FLYWCH2: variants seen among roughly 807,000 people sequenced by gnomAD.
FLYWCH2 encodes the protein FLYWCH family member 2.
FLYWCH2 carries 2 observed loss-of-function variants against 6.0 expected under a neutral mutation model. The ratio of observed to expected loss-of-function variants is 0.33; its 90% confidence interval spans 0.14 to 1.04. The LOEUF (loss-of-function observed/expected upper bound fraction) is 1.04, where lower values mean the gene tolerates loss of function less well. Ranked by LOEUF, FLYWCH2 falls within the 50% of genes least tolerant of loss-of-function variation. The probability of loss-of-function intolerance (pLI) is 0.45; values close to 1 mark genes in which losing one functional copy is unlikely to be tolerated. For synonymous variants in FLYWCH2, 87 were observed against 79.3 expected, an observed-to-expected ratio of 1.10 and a Z score of -0.52; for missense variants, 192 against 183.4, an observed-to-expected ratio of 1.05 and a Z score of -0.27.
At position 2,896,852 on chromosome 16, in the gene FLYWCH2, C is replaced by T. The variant is rs533791369; in HGVS notation, c.322+81C>T. On this transcript the variant is annotated intron_variant, in intron 3 of 3. Coordinates refer to ENST00000396958, the MANE Select transcript of FLYWCH2 (RefSeq NM_138439.3). ...ACAGCCGCGCTGGCTCCATCAGGCG[C>T]TTCTCCCTGGCATGCGGGTCCTTGT... 6.2e-5 allele frequency: 82 copies of T among 1,320,384 alleles called. 1 individual carries two copies. The South Asian group carries it at 1.0e-3, about 16-fold the overall frequency. The allele number at this position is 1,320,384 out of a possible 1,614,324, so 81.8% of individuals were successfully genotyped here.
chr16:2,891,752 CT>C (rs1453349622), intron 1 of FLYWCH2, among the ~76,000 whole-genome samples: 8 of 151,594 alleles, frequency 5.3e-5, no homozygotes, highest in Non-Finnish European at 1.0e-4. Context: ...GTGATGAGGT[CT>C]CGCTATGTTG....
chr16:2,896,662 C>T lies in FLYWCH2; in HGVS notation c.213C>T (p.Pro71=), dbSNP rs372984493. 61 of 1,613,150 alleles carry T rather than the reference C, an allele frequency of 3.8e-5. No homozygotes were observed. Among genetic ancestry groups the T allele is most frequent in the South Asian group, 2.6e-4 (24 of 91,078 alleles). The change falls in exon 3 of 4, where the codon CCC becomes CCT. Residue 71 remains proline, a synonymous_variant. Transcript: ENST00000396958. ...ACTGTGTCATGTCCCTGGGGGTGCCCGGCCCCGCCACCCTTGCCAAGGCCC... is the reference window on the plus strand; with the variant it reads ...ACTGTGTCATGTCCCTGGGGGTGCCTGGCCCCGCCACCCTTGCCAAGGCCC... ...GVHCVMSLGV[P]GPATLAKALL... is the part of the protein sequence containing the mutation.
At chr16:2,890,112 G>A (rs2069738857) in intron 1 of FLYWCH2, among the ~76,000 whole-genome samples, 1 of 151,634 alleles carries the variant, frequency 6.6e-6, no homozygotes, top group South Asian at 2.1e-4. Context: ...CTAACCTATA[G>A]ACTTTATTTG....
intron 2 of FLYWCH2, among the ~76,000 whole-genome samples, chr16:2,896,125 C>T (rs1053880747): frequency 6.6e-5 from 10 of 152,214 alleles, no homozygotes; most frequent in Non-Finnish European, 1.5e-4. Flanking sequence ...AGGGTGTTTA[C>T]TGTGCACCTT....
intron 1 of FLYWCH2, among the ~76,000 whole-genome samples, chr16:2,890,242 GTTT>G (rs945161886): frequency 2.5e-4 from 31 of 122,600 alleles, no homozygotes; most frequent in African/African-American, 6.0e-4. Context: ...TTTTTTTTTT[GTTT>G]TTGTTGTTTT....
At chr16:2,887,080 G>A (rs1158882120) in intron 1 of FLYWCH2, among the ~76,000 whole-genome samples, 1 of 151,994 alleles carries the variant, frequency 6.6e-6, no homozygotes, top group Non-Finnish European at 1.5e-5. Context: ...CTAAGGTTAT[G>A]AGAATTTAGT....
At chr16:2,888,315 C>T (rs560017125) in intron 1 of FLYWCH2, among the ~76,000 whole-genome samples, 185 of 151,738 alleles carry the variant, frequency 1.2e-3, no homozygotes, top group African/African-American at 4.3e-3. Context: ...CGGCCTGTGT[C>T]GGTCTTTATG....
At chr16:2,887,582 A>ATTT (rs1326970909) in intron 1 of FLYWCH2, among the ~76,000 whole-genome samples, 2 of 150,978 alleles carry the variant, frequency 1.3e-5, no homozygotes, top group Non-Finnish European at 2.9e-5. Context: ...TATTATTATT[A>ATTT]TTTTTTGAGA....
chr16:2,884,650 G>A (rs1446303172), intron 1 of FLYWCH2, among the ~76,000 whole-genome samples: 5 of 151,470 alleles, frequency 3.3e-5, no homozygotes, highest in Non-Finnish European at 7.4e-5. Context: ...CAAGGAGGGT[G>A]GATCACCTGA....
intron 1 of FLYWCH2, among the ~76,000 whole-genome samples, chr16:2,888,950 T>C (rs112419471): frequency 0.03 from 4,563 of 152,132 alleles, 237 homozygotes; most frequent in African/African-American, 0.1. Context: ...ATGGGACTAA[T>C]TGTAGAAAAG....
At chr16:2,898,928 G>T in intron 3 of FLYWCH2, 121 bp from the exon 4 acceptor site, 2 of 670,802 alleles carry the variant, frequency 3.0e-6, no homozygotes, top group Non-Finnish European at 4.8e-6. Context: ...TCAGGCAGAG[G>T]CTTCTGGCCC....
intron 2 of FLYWCH2, among the ~76,000 whole-genome samples, chr16:2,895,703 C>T (rs2069811508): frequency 6.6e-6 from 1 of 152,250 alleles, no homozygotes; most frequent in Non-Finnish European, 1.5e-5. Context: ...TCCCACCTGC[C>T]AGGGCCAGCT....
At chr16:2,893,428 A>G (rs2069781483) in intron 1 of FLYWCH2, among the ~76,000 whole-genome samples, 1 of 152,150 alleles carries the variant, frequency 6.6e-6, no homozygotes, top group African/African-American at 2.4e-5. Flanking sequence ...AGAGGGTCAA[A>G]CACCAAATAT....
chr16:2,886,157 C>T (rs1253780018), intron 1 of FLYWCH2, among the ~76,000 whole-genome samples: 1 of 151,860 alleles, frequency 6.6e-6, no homozygotes, highest in Non-Finnish European at 1.5e-5. Flanking sequence ...CTGTTTGGAG[C>T]CTTTGCCCAT....
intron 3 of FLYWCH2, 61 bp downstream of exon 3, chr16:2,896,832 C>A: frequency 6.8e-7 from 1 of 1,468,976 alleles, no homozygotes; most frequent in East Asian, 2.4e-5. Flanking sequence ...CCCCCACAGC[C>A]GCGCTGGCTC....
intron 1 of FLYWCH2, among the ~76,000 whole-genome samples, chr16:2,893,885 G>A (rs2069787514): frequency 6.6e-6 from 1 of 152,000 alleles, no homozygotes; most frequent in East Asian, 1.9e-4. Flanking sequence ...TGATCCGCCC[G>A]CCTCGGCCTC....
At chr16:2,890,645 A>T (rs1353027518) in intron 1 of FLYWCH2, among the ~76,000 whole-genome samples, 1 of 149,740 alleles carries the variant, frequency 6.7e-6, no homozygotes. Flanking sequence ...GGTTGTCTCG[A>T]ACTCCTGACC....
chr16:2,884,985 A>C, intron 1 of FLYWCH2, among the ~76,000 whole-genome samples: 1 of 151,968 alleles, frequency 6.6e-6, no homozygotes, highest in African/African-American at 2.4e-5. Context: ...ATATTTAACA[A>C]CTTTATTGAG....
chr16:2,887,230 C>G (rs2069708007), intron 1 of FLYWCH2, among the ~76,000 whole-genome samples: 1 of 151,908 alleles, frequency 6.6e-6, no homozygotes, highest in South Asian at 2.1e-4. Flanking sequence ...ACTGCAACCT[C>G]CGCCCCACTG....
Sources: gnomAD v4.1 joint callset for allele counts (sites outside exome capture counted in the v4.1 genomes callset) on GRCh38, gnomAD v4.1.1 for gene constraint, MANE v1.5 for transcripts, NCBI Gene and HGNC (gene_info 2026-07-23, HGNC 2026-07-21) for gene names.